The following TPD52L1 variants were observed in gnomAD, a reference collection of about 807,000 sequenced individuals.
TPD52L1 encodes the protein tumor protein D53.
In TPD52L1, 18 loss-of-function variants were observed where a neutral mutation model predicts 28.7. The ratio of observed to expected loss-of-function variants is 0.63; its 90% CI spans 0.43 to 0.93. The LOEUF (loss-of-function observed/expected upper bound fraction) is 0.93. Ranked by LOEUF, TPD52L1 falls within the 40% of genes least tolerant of loss-of-function variation. TPD52L1 has a pLI of 0.00. For synonymous variants in TPD52L1, 75 were observed against 88.8 expected (o/e 0.84, Z 0.88); for missense variants, 203 against 254.8 (o/e 0.80, Z 1.39).
intron 3 of TPD52L1, among the ~76,000 whole-genome samples, chr6:125,247,923 C>T (rs1797019259): frequency 6.6e-6 from 1 of 152,186 alleles, no homozygotes; most frequent in Admixed American, 6.5e-5. Context: ...TCTGTGTCAT[C>T]CTTGATGCCT....
At chr6:125,193,693 T>A (rs1304572626) in intron 1 of TPD52L1, among the ~76,000 whole-genome samples, 1 of 152,170 alleles carries the variant, frequency 6.6e-6, no homozygotes, top group African/African-American at 2.4e-5. Context: ...TATATGCATA[T>A]ATTTTAAAAA....
intron 1 of TPD52L1, among the ~76,000 whole-genome samples, chr6:125,195,536 A>G (rs755391533): frequency 1.1e-4 from 16 of 152,218 alleles, no homozygotes; most frequent in Non-Finnish European, 2.2e-4. Context: ...TTTGAGTGGT[A>G]TAAGATTAAG....
In TPD52L1 at chr6:125,237,926, C is replaced by G. The variant is rs144003219; in HGVS notation, c.284+8660C>G. Among the ~76,000 whole-genome samples, 182 of 152,308 alleles carry G rather than the reference C, an allele frequency of 1.2e-3. 1 individual carries two copies. The East Asian group carries it at 0.032, about 27-fold the overall frequency. ...CCACCCTCCTCAGCCTCCCAAAGTG[C>G]TGAGATTGCAGGCGTGAGCCACGAC... On this transcript the variant is annotated intron_variant, in intron 3 of 6. Transcript: ENST00000534000.
chr6:125,253,490 A>G, intron 4 of TPD52L1: 1 of 537,832 alleles, frequency 1.9e-6, no homozygotes, highest in South Asian at 2.6e-5. Context: ...AGAAAGTAAA[A>G]TAATATGCAA....
intron 1 of TPD52L1, among the ~76,000 whole-genome samples, chr6:125,207,277 G>A (rs1794214673): frequency 6.6e-6 from 1 of 152,130 alleles, no homozygotes; most frequent in Non-Finnish European, 1.5e-5. Flanking sequence ...AGGTGTTGTG[G>A]TAAAGTCAAA....
chr6:125,258,327 G>A (rs974435310), intron 6 of TPD52L1, among the ~76,000 whole-genome samples: 2 of 152,050 alleles, frequency 1.3e-5, no homozygotes, highest in Admixed American at 6.6e-5. Flanking sequence ...CAACATCATC[G>A]CTTATTGAGC....
At chr6:125,208,943 G>A (rs1179232301) in intron 1 of TPD52L1, 14 of 985,272 alleles carry the variant, frequency 1.4e-5, no homozygotes, top group African/African-American at 3.5e-5. Context: ...GCTCAAAGCT[G>A]TAGAAGCCTG....
At chr6:125,178,443 A>C (rs1228472596) in intron 1 of TPD52L1, among the ~76,000 whole-genome samples, 1 of 152,138 alleles carries the variant, frequency 6.6e-6, no homozygotes, top group Non-Finnish European at 1.5e-5. Context: ...CAATATGGTG[A>C]AACCTTGTCT....
At chr6:125,172,512 C>CTATATATATATA (rs60135828) in intron 1 of TPD52L1, among the ~76,000 whole-genome samples, 2 of 16,408 alleles carry the variant, frequency 1.2e-4, no homozygotes, top group Non-Finnish European at 2.1e-4. Flanking sequence ...CTCTTTCATG[C>CTATATATATATA]TATATATATA....
At position 125,174,907 on chromosome 6, in the gene TPD52L1, A is replaced by G. The variant is rs1052819028; in HGVS notation, c.19+20937A>G. 7.9e-5 allele frequency among the ~76,000 whole-genome samples: 12 copies of G among 152,288 alleles called. No individual in the cohort carries two copies. In the South Asian group the frequency reaches 2.1e-3, roughly 26 times the overall value. On this transcript the variant is annotated intron_variant, in intron 1 of 6. Coordinates refer to ENST00000534000, the MANE Select transcript of TPD52L1 (RefSeq NM_003287.4). ...ATCCTGGTGTCTGTTGCTTAACACC[A>G]TGCTTCAGACCTCTAACTGATCTGA... is the stretch of plus-strand genomic sequence containing the variant.
chr6:125,264,068 C>T lies in TPD52L1; in HGVS notation c.*1106C>T, dbSNP rs1798198074. ...TGGGAGAAGCAGAGTTCTGCAACCC[C>T]TTTCAGTTTGTAAATTGTTCACATG... On this transcript the variant is annotated 3_prime_UTR_variant, in exon 7 of 7. Transcript: ENST00000534000. 1 of 152,160 alleles carries T rather than the reference C, an allele frequency of 6.6e-6. No individual in the cohort carries two copies. Among genetic ancestry groups the T allele is most frequent in the South Asian group, 2.1e-4 (1 of 4,832 alleles). The allele number at this position is 152,160 out of a possible 1,614,324, so 9.4% of individuals were successfully genotyped here.
chr6:125,257,850 T>A (rs989916827), intron 6 of TPD52L1, among the ~76,000 whole-genome samples: 3 of 151,304 alleles, frequency 2.0e-5, no homozygotes, highest in African/African-American at 7.4e-5. Context: ...ACAAGAAAAA[T>A]CATTACAACT....
chr6:125,250,091 A>G (rs1797171790), intron 4 of TPD52L1, among the ~76,000 whole-genome samples: 1 of 152,202 alleles, frequency 6.6e-6, no homozygotes, highest in Non-Finnish European at 1.5e-5. Flanking sequence ...GAAACCCTCT[A>G]TAACCTGTTA....
rs1212206193 is a variant in TPD52L1 at position 125,264,116 on chromosome 6, C to G, written c.*1154C>G. On this transcript the variant is annotated 3_prime_UTR_variant, in exon 7 of 7. Transcript: ENST00000534000. Reference sequence around the variant, plus strand: ...ATGTATGAAAATAACTGGTATTTATCAATCCACTCAGATTTCTGCACTAAC... The same window carrying G: ...ATGTATGAAAATAACTGGTATTTATGAATCCACTCAGATTTCTGCACTAAC... 1 of 152,166 alleles carries G rather than the reference C, an allele frequency of 6.6e-6. No individual in the cohort carries two copies. The highest frequency in any genetic ancestry group is 6.5e-5 in the Admixed American group (1 of 15,278). 9.4% of individuals were successfully genotyped at this position (152,166 alleles called of 1,614,324 possible). A position where few individuals can be genotyped will look rare whatever the true frequency, so the allele number is the denominator to read the frequency against.
intron 6 of TPD52L1, among the ~76,000 whole-genome samples, chr6:125,258,901 T>C (rs73579752): frequency 0.066 from 9,985 of 152,302 alleles, 373 homozygotes; most frequent in Middle Eastern, 0.1. Context: ...AAAGCCTAAT[T>C]CCTCTTTTTC....
intron 1 of TPD52L1, among the ~76,000 whole-genome samples, chr6:125,215,885 G>A (rs1019327546): frequency 6.6e-6 from 1 of 152,162 alleles, no homozygotes; most frequent in Non-Finnish European, 1.5e-5. Flanking sequence ...CCTGGAGCAT[G>A]TCTTCTCACG....
At chr6:125,177,785 A>G (rs184490792) in intron 1 of TPD52L1, among the ~76,000 whole-genome samples, 26 of 152,338 alleles carry the variant, frequency 1.7e-4, no homozygotes, top group African/African-American at 6.0e-4. Flanking sequence ...TTAACAAACC[A>G]TTACTTTTAA....
At position 125,174,763 on chromosome 6, in the gene TPD52L1, A is replaced by G. The variant is rs181781656; in HGVS notation, c.19+20793A>G. On this transcript the variant is annotated intron_variant, in intron 1 of 6. Transcript: ENST00000534000. ...GCCAGCAGTGCTTACCTCTTCAGTT[A>G]GCAGATCCTATTTCCGGTCTCTTGT... 2.3e-4 allele frequency among the ~76,000 whole-genome samples: 35 copies of G among 152,322 alleles called. No individual in the cohort carries two copies. In the East Asian group the frequency reaches 6.4e-3, roughly 28 times the overall value.
chr6:125,184,894 A>C (rs1792488437), intron 1 of TPD52L1, among the ~76,000 whole-genome samples: 1 of 152,220 alleles, frequency 6.6e-6, no homozygotes. Context: ...TAAAATGTAA[A>C]AGGACTAAAT....
Sources: allele counts gnomAD v4.1 joint callset (sites outside exome capture counted in the v4.1 genomes callset), GRCh38; gene constraint gnomAD v4.1.1; transcripts MANE v1.5; gene names NCBI Gene and HGNC (gene_info 2026-07-23, HGNC 2026-07-21).